Variants in CSMD2 observed in about 807,000 individuals in gnomAD.
CSMD2 encodes the protein CUB and sushi domain-containing protein 2.
CSMD2 carries 130 observed loss-of-function variants against 398.5 expected under a neutral mutation model. The observed-to-expected ratio is 0.33, with a 90% confidence interval of 0.28 to 0.38. The LOEUF is 0.38. Ranked by LOEUF, CSMD2 falls within the 10% of genes least tolerant of loss-of-function variation. The pLI is 1.00. For missense variants in CSMD2, 3,829 were observed against 4,764.9 expected (o/e 0.80, Z 5.78); for synonymous variants, 1,828 against 1,908.5 (o/e 0.96, Z 1.10).
At chr1:34,100,292 C>T (rs573706865) in intron 1 of CSMD2, among the ~76,000 whole-genome samples, 1 of 152,264 alleles carries the variant, frequency 6.6e-6, no homozygotes, top group African/African-American at 2.4e-5. Flanking sequence ...TCCAAAATTA[C>T]CGAAGTTAAC....
intron 5 of CSMD2, among the ~76,000 whole-genome samples, chr1:33,879,529 T>C (rs983668024): frequency 1.2e-4 from 19 of 152,088 alleles, no homozygotes; most frequent in African/African-American, 3.9e-4. Context: ...AATACCTGAG[T>C]CATGTGACCA....
chr1:33,571,772 T>C, intron 50 of CSMD2, 46 bp from the exon 51 acceptor site: 3 of 1,344,226 alleles, frequency 2.2e-6, no homozygotes, highest in Non-Finnish European at 2.9e-6. Flanking sequence ...CTTGATTAAT[T>C]CTGGAAGACC....
rs773965809 is a variant in CSMD2 at position 33,724,296 on chromosome 1, T to C, written c.2902A>G (p.Ile968Val). 1.5e-5 allele frequency: 24 copies of C among 1,613,664 alleles called. No individual in the cohort carries two copies. The Admixed American group carries it at 3.3e-4, about 22-fold the overall frequency. Reference protein sequence around the residue: ...PSCEALCGGFIQGSSGTILSP... With the variant: ...PSCEALCGGFVQGSSGTILSP... ...AAGATGGTCCCACTGGAGCCTTGAA[T>C]GAAGCCACCACAGAGAGCTACAGAA... Residue 968 changes from isoleucine (I) to valine (V), a missense_variant, in exon 19 of 71, where the codon ATT (isoleucine) becomes GTT (valine). Ile to Val is a conservative substitution (Grantham distance 29). Around this residue, in one of 5 missense-constraint regions of CSMD2, gnomAD observed 2,001 missense variants for 2,567.1 expected, o/e 0.78. Transcript: ENST00000373381.
chr1:33,574,199 A>G (rs1570783086), intron 49 of CSMD2, among the ~76,000 whole-genome samples: 1 of 152,336 alleles, frequency 6.6e-6, no homozygotes, highest in South Asian at 2.1e-4. Context: ...CCAGGAAAGG[A>G]CAATATATGA....
chr1:34,003,042 G>C (rs1646948784), intron 3 of CSMD2, among the ~76,000 whole-genome samples: 1 of 152,072 alleles, frequency 6.6e-6, no homozygotes, highest in Non-Finnish European at 1.5e-5. Context: ...AGTACCTCTG[G>C]GGCTTTGCCC....
chr1:34,144,262 T>C (rs1405430019), intron 1 of CSMD2, among the ~76,000 whole-genome samples: 1 of 152,142 alleles, frequency 6.6e-6, no homozygotes, highest in East Asian at 1.9e-4. Context: ...AGATTCACCA[T>C]GCAGTGTTAG....
chr1:33,516,922 T>C (rs2148510464), intron 70 of CSMD2, among the ~76,000 whole-genome samples: 1 of 151,598 alleles, frequency 6.6e-6, no homozygotes, highest in Middle Eastern at 3.4e-3. Context: ...AAAAAATGAC[T>C]AGGATAATAA....
At chr1:33,774,862 T>C (rs939273998) in intron 12 of CSMD2, among the ~76,000 whole-genome samples, 1 of 152,222 alleles carries the variant, frequency 6.6e-6, no homozygotes, top group African/African-American at 2.4e-5. Context: ...CCTACCATCA[T>C]GCAATCACAG....
intron 28 of CSMD2, among the ~76,000 whole-genome samples, chr1:33,650,413 C>T (rs920911006): frequency 2.6e-5 from 4 of 152,108 alleles, no homozygotes; most frequent in African/African-American, 7.2e-5. Flanking sequence ...AAGACCCTTA[C>T]AGATAGGACA....
intron 2 of CSMD2, among the ~76,000 whole-genome samples, chr1:34,054,311 T>A (rs1335385118): frequency 6.6e-6 from 1 of 152,176 alleles, no homozygotes. Flanking sequence ...AGCAGGAATG[T>A]CCTAGATAAT....
intron 1 of CSMD2, among the ~76,000 whole-genome samples, chr1:34,146,770 C>T (rs989874994): frequency 6.6e-6 from 1 of 151,978 alleles, no homozygotes; most frequent in South Asian, 2.1e-4. Context: ...TAGAGGTGGG[C>T]CACAAAAGTT....
rs1180343150 is a variant in CSMD2 at position 33,514,544 on chromosome 1, C to A, written c.*2080G>T. 8.1e-6 allele frequency: 1 copy of A among 122,862 alleles called. No homozygotes were observed. Among genetic ancestry groups the A allele is most frequent in the Non-Finnish European group, 1.6e-5 (1 of 63,792 alleles). The allele number at this position is 122,862 out of a possible 1,614,324, so 7.6% of individuals were successfully genotyped here. ...ACCAGCAGGTGCTCCTCGAGCATCT[C>A]ATGGAACTTTACAAGGAGACGCAGG... On this transcript the variant is annotated 3_prime_UTR_variant, in exon 71 of 71. Coordinates refer to ENST00000373381, the MANE Select transcript of CSMD2 (RefSeq NM_001281956.2).
At chr1:33,846,355 G>A (rs941893929) in intron 6 of CSMD2, among the ~76,000 whole-genome samples, 3 of 152,144 alleles carry the variant, frequency 2.0e-5, no homozygotes, top group Non-Finnish European at 2.9e-5. Flanking sequence ...AGTGATTTTG[G>A]AATATATTCA....
intron 3 of CSMD2, among the ~76,000 whole-genome samples, chr1:34,012,474 C>A (rs1366748382): frequency 6.6e-6 from 1 of 151,622 alleles, no homozygotes; most frequent in Non-Finnish European, 1.5e-5. Flanking sequence ...GAGAGTCTTG[C>A]TTTGTCACCC....
At position 33,536,599 on chromosome 1, in the gene CSMD2, C is replaced by T. The variant is rs538067257; in HGVS notation, c.9879+423G>A. Among the ~76,000 whole-genome samples, 123 of 152,282 alleles carry T rather than the reference C, an allele frequency of 8.1e-4. 3 individuals carry two copies. The highest frequency in any genetic ancestry group is 2.7e-3 in the African/African-American group (113 of 41,556). ...TCCCAAAGCTCATCTGAGGTGTGTC[C>T]GCAGGGCCTGTGTCCTGGTGGGCCA... On this transcript the variant is annotated intron_variant, in intron 62 of 70. Coordinates refer to ENST00000373381, the MANE Select transcript of CSMD2 (RefSeq NM_001281956.2).
At chr1:33,632,120 G>A (rs1642499281) in intron 32 of CSMD2, among the ~76,000 whole-genome samples, 1 of 151,944 alleles carries the variant, frequency 6.6e-6, no homozygotes, top group Admixed American at 6.6e-5. Context: ...GAAAGAATAT[G>A]GTTAGATTCC....
chr1:33,739,035 G>C, intron 15 of CSMD2, 105 bp downstream of exon 15: 4 of 1,123,606 alleles, frequency 3.6e-6, no homozygotes, highest in Non-Finnish European at 5.0e-6. Context: ...GGGAGAAGAG[G>C]AAGGACCAAC....
chr1:33,707,888 A>C (rs942881564), intron 22 of CSMD2, among the ~76,000 whole-genome samples: 1 of 152,224 alleles, frequency 6.6e-6, no homozygotes, highest in Non-Finnish European at 1.5e-5. Flanking sequence ...TTTCCAGAGT[A>C]GTGGGCTCTG....
rs534931305 is a variant in CSMD2, at chr1:33,788,381, G to A, written c.1663+219C>T. Among the ~76,000 whole-genome samples, 69 of 152,136 alleles carry A rather than the reference G, an allele frequency of 4.5e-4. No individual in the cohort carries two copies. The highest frequency in any genetic ancestry group is 1.6e-3 in the African/African-American group (67 of 41,514). ...AAATTAGCCAGGCATGTTGGTGTGC[G>A]CCTGTAGTCCCAGCTACTCGGGAGG... On this transcript the variant is annotated intron_variant, in intron 12 of 70. Coordinates refer to ENST00000373381, the MANE Select transcript of CSMD2 (RefSeq NM_001281956.2).
Sources: gnomAD v4.1 joint callset for allele counts (sites outside exome capture counted in the v4.1 genomes callset) on GRCh38, gnomAD v4.1.1 for gene constraint, gnomAD v4.1.1 regional missense constraint, MANE v1.5 for transcripts, NCBI Gene and HGNC (gene_info 2026-07-23, HGNC 2026-07-21) for gene names.